The following TG variants were observed in gnomAD, a reference collection of about 807,000 sequenced individuals.
TG encodes the protein thyroglobulin.
Under a neutral mutation model 324.7 loss-of-function variants are expected in TG, and 270 were observed. The ratio of observed to expected loss-of-function variants is 0.83; its 90% CI spans 0.75 to 0.92. The LOEUF (loss-of-function observed/expected upper bound fraction) is 0.92, where lower values mean the gene tolerates loss of function less well. Among genes scored for constraint, TG ranks in the 40% least tolerant of loss-of-function variants. TG has a pLI of 0.00. For missense variants in TG, 3,591 were observed against 3,456.4 expected (o/e 1.04, Z -0.98); for synonymous variants, 1,401 against 1,327.0 (o/e 1.06, Z -1.21).
chr8:132,967,822 G>T lies in TG; in HGVS notation c.5715G>T (p.Gln1905His). The change falls in exon 31 of 48, where the codon CAG (glutamine) becomes CAT (histidine). Residue 1905 changes from glutamine (Q) to histidine (H), a missense_variant. Coordinates refer to ENST00000220616, the MANE Select transcript of TG (RefSeq NM_003235.5). Reference sequence around the variant, plus strand: ...GTGTGCAGGAGCACTCTTTCTGTCAGCTCGCAGAGATAACAGAGAGTGCAT... The same window carrying T: ...GTGTGCAGGAGCACTCTTTCTGTCATCTCGCAGAGATAACAGAGAGTGCAT... ...SRCVQEHSFC[Q>H]LAEITESASL... 1 of 1,613,912 alleles carries T rather than the reference G, an allele frequency of 6.2e-7. No individual in the cohort carries two copies. The highest frequency in any genetic ancestry group is 8.5e-7 in the Non-Finnish European group (1 of 1,179,878).
chr8:132,872,309 T>C (rs966158548), intron 4 of TG, among the ~76,000 whole-genome samples: 82 of 151,506 alleles, frequency 5.4e-4, no homozygotes, highest in African/African-American at 1.9e-3. Context: ...AAACCCCGTC[T>C]CTACTAAAAA....
chr8:132,874,506 G>A (rs547168722), intron 5 of TG, among the ~76,000 whole-genome samples: 19 of 152,282 alleles, frequency 1.2e-4, no homozygotes, highest in African/African-American at 4.1e-4. Context: ...AGACTGATAT[G>A]AATTCTCTTG....
chr8:132,978,838 T>C (rs916594442), intron 34 of TG, among the ~76,000 whole-genome samples: 21 of 152,094 alleles, frequency 1.4e-4, no homozygotes, highest in Non-Finnish European at 2.6e-4. Context: ...TAGAGGGCTG[T>C]GGTCACAGAT....
intron 34 of TG, among the ~76,000 whole-genome samples, chr8:132,981,119 G>A (rs756637020): frequency 2.6e-5 from 4 of 152,180 alleles, no homozygotes; most frequent in Non-Finnish European, 5.9e-5. Context: ...AAGGTCCCAC[G>A]CAAAGACTTA....
chr8:132,911,990 T>A (rs1448080097), intron 19 of TG, among the ~76,000 whole-genome samples: 1 of 152,222 alleles, frequency 6.6e-6, no homozygotes, highest in Non-Finnish European at 1.5e-5. Flanking sequence ...ACTGTGGGCA[T>A]GTGCCATGTT....
At chr8:133,017,735 G>A in intron 37 of TG, 43 bp from the exon 38 acceptor site, 1 of 1,544,912 alleles carries the variant, frequency 6.5e-7, no homozygotes. Flanking sequence ...ACTCACTGAG[G>A]CCTCTCCCCT....
At chr8:132,944,380 G>A (rs1335149409) in intron 26 of TG, among the ~76,000 whole-genome samples, 1 of 152,004 alleles carries the variant, frequency 6.6e-6, no homozygotes, top group Admixed American at 6.6e-5. Flanking sequence ...TCAACTTTAG[G>A]CTCTCCTTGT....
chr8:132,971,704 C>G, intron 32 of TG, 90 bp from the exon 33 acceptor site: 1 of 914,822 alleles, frequency 1.1e-6, no homozygotes, highest in South Asian at 1.3e-5. Flanking sequence ...GCTAGTTCCC[C>G]AAAGCAAGAA....
chr8:132,879,887 A>T (rs1353891789), intron 5 of TG, among the ~76,000 whole-genome samples: 2 of 152,226 alleles, frequency 1.3e-5, no homozygotes, highest in African/African-American at 4.8e-5. Flanking sequence ...TGTGGAGGTC[A>T]TGTCTGCCAT....
At chr8:133,025,009 G>A (rs1835946717) in intron 40 of TG, among the ~76,000 whole-genome samples, 1 of 152,182 alleles carries the variant, frequency 6.6e-6, no homozygotes, top group South Asian at 2.1e-4. Context: ...AGAGACACAG[G>A]CCATTTTCTT....
chr8:132,911,275 T>C (rs1336838991), intron 18 of TG, 102 bp from the exon 19 acceptor site: 3 of 1,605,058 alleles, frequency 1.9e-6, no homozygotes, highest in African/African-American at 2.7e-5. Context: ...GGTGGAGGAT[T>C]GAAGGAAGTA....
chr8:132,900,532 G>A (rs190301303), intron 15 of TG, among the ~76,000 whole-genome samples, 193 bp downstream of exon 15: 6 of 152,312 alleles, frequency 3.9e-5, no homozygotes, highest in African/African-American at 1.4e-4. Context: ...GCAGTTTCTT[G>A]GGAGAAGCAA....
intron 41 of TG, among the ~76,000 whole-genome samples, chr8:133,039,716 T>A (rs1003603124): frequency 1.3e-5 from 2 of 152,212 alleles, no homozygotes; most frequent in African/African-American, 2.4e-5. Flanking sequence ...ATATTTCAGC[T>A]AGAATGTATA....
In TG at chr8:132,962,921, C is replaced by G. The variant is rs1424468726; in HGVS notation, c.5468-73C>G. ...GGGCCTGATTTTTCTCACATTGCTA[C>G]TACCATTTTGTTGACCAGTGGAGTA... On this transcript the variant is annotated intron_variant, in intron 28 of 47. Coordinates refer to ENST00000220616, the MANE Select transcript of TG (RefSeq NM_003235.5). 10 of 1,410,762 alleles carry G rather than the reference C, an allele frequency of 7.1e-6. No homozygotes were observed. The African/African-American group carries it at 1.4e-4, about 20-fold the overall frequency. The allele number at this position is 1,410,762 out of a possible 1,614,324, so 87.4% of individuals were successfully genotyped here.
intron 43 of TG, chr8:133,102,838 C>A: frequency 2.5e-6 from 1 of 395,326 alleles, no homozygotes. Flanking sequence ...AGAGCGCCTC[C>A]GCTGTGCCCC....
At position 133,038,705 on chromosome 8, in the gene TG, G is replaced by A. The variant is rs771316675; in HGVS notation, c.7239+8682G>A. 2.4e-5 allele frequency: 38 copies of A among 1,613,962 alleles called. No homozygotes were observed. The highest frequency in any genetic ancestry group is 3.1e-5 in the Non-Finnish European group (37 of 1,179,976). On this transcript the variant is annotated intron_variant, in intron 41 of 47. Transcript: ENST00000220616. ...GAAAAGGGACTCGTCTACCCCAAGCGGGTTCTCTGTTCCCTCGGGGTCCTC... is the reference window on the plus strand; with the variant it reads ...GAAAAGGGACTCGTCTACCCCAAGCAGGTTCTCTGTTCCCTCGGGGTCCTC...
chr8:132,972,567 T>TG, intron 33 of TG, 31 bp from the exon 34 acceptor site: 3 of 1,457,694 alleles, frequency 2.1e-6, no homozygotes, highest in Non-Finnish European at 1.9e-6. Context: ...TTCCTGATTG[T>TG]GGTTTTTTGT....
At chr8:132,962,851 T>C in intron 28 of TG, 143 bp from the exon 29 acceptor site, 1 of 777,130 alleles carries the variant, frequency 1.3e-6, no homozygotes, top group South Asian at 1.4e-5. Flanking sequence ...TGCAGATCCA[T>C]GTCAGGGCAT....
At chr8:133,017,377 C>T (rs1835135232) in intron 37 of TG, among the ~76,000 whole-genome samples, 1 of 151,346 alleles carries the variant, frequency 6.6e-6, no homozygotes, top group South Asian at 2.1e-4. Context: ...ACCCACACAT[C>T]TCACCACAGA....
Sources: allele counts gnomAD v4.1 joint callset (sites outside exome capture counted in the v4.1 genomes callset), GRCh38; gene constraint gnomAD v4.1.1; transcripts MANE v1.5; gene names NCBI Gene and HGNC (gene_info 2026-07-23, HGNC 2026-07-21).